ABHD12: variants seen among roughly 807,000 people sequenced by gnomAD.
The protein encoded by ABHD12 is lysophosphatidylserine lipase ABHD12.
ABHD12 carries 43 observed loss-of-function variants against 58.3 expected under a neutral mutation model. That is an observed-to-expected ratio of 0.74 (90% confidence interval 0.58 to 0.95). The LOEUF is 0.95. ABHD12 is among the 40% of genes least tolerant of loss of function. The probability of loss-of-function intolerance (pLI) is 0.00; values close to 1 mark genes in which losing one functional copy is unlikely to be tolerated. For synonymous variants in ABHD12, 219 were observed against 211.2 expected (o/e 1.04, Z -0.32); for missense variants, 539 against 537.2 (o/e 1.00, Z -0.03).
chr20:25,330,774 T>A (rs891648337), intron 2 of ABHD12, among the ~76,000 whole-genome samples: 3 of 151,954 alleles, frequency 2.0e-5, no homozygotes, highest in Non-Finnish European at 4.4e-5. Context: ...GAAGGAAAAC[T>A]AACAAACAGA....
chr20:25,346,104 C>T (rs879842898), intron 1 of ABHD12, among the ~76,000 whole-genome samples: 3 of 151,954 alleles, frequency 2.0e-5, no homozygotes, highest in Non-Finnish European at 4.4e-5. Context: ...CTGGTACATC[C>T]GGACAATGGA....
chr20:25,350,763 A>C (rs1304960089), intron 1 of ABHD12, among the ~76,000 whole-genome samples: 1 of 152,182 alleles, frequency 6.6e-6, no homozygotes, highest in Non-Finnish European at 1.5e-5. Context: ...TGTTAACAGA[A>C]TTACAGCAAA....
intron 1 of ABHD12, among the ~76,000 whole-genome samples, chr20:25,367,306 G>A (rs1193508769): frequency 6.6e-6 from 1 of 152,176 alleles, no homozygotes; most frequent in Non-Finnish European, 1.5e-5. Flanking sequence ...TTACAGTTTT[G>A]TGGGAGGAGG....
downstream of ABHD12, among the ~76,000 whole-genome samples, chr20:25,299,488 T>C (rs573290200): frequency 2.9e-4 from 43 of 147,576 alleles, no homozygotes; most frequent in African/African-American, 1.1e-3. Context: ...GTAGCTTACA[T>C]AGACCAAAAA....
At chr20:25,355,552 G>GT (rs1435978420) in intron 1 of ABHD12, among the ~76,000 whole-genome samples, 301 of 150,066 alleles carry the variant, frequency 2.0e-3, no homozygotes, top group African/African-American at 4.9e-3. Flanking sequence ...AGTATAAACG[G>GT]TTTTTTTTTT....
chr20:25,302,118 T>G, intron 12 of ABHD12, 101 bp downstream of exon 12: 2 of 1,560,598 alleles, frequency 1.3e-6, no homozygotes, highest in Non-Finnish European at 8.8e-7. Flanking sequence ...TTGGCCCCAC[T>G]GAGGCCCCCT....
intron 1 of ABHD12, among the ~76,000 whole-genome samples, chr20:25,346,083 GAATA>G (rs1298066931): frequency 6.6e-6 from 1 of 152,134 alleles, no homozygotes; most frequent in Non-Finnish European, 1.5e-5. Flanking sequence ...ATAGGTGAGT[GAATA>G]AATAAACTGG....
intron 1 of ABHD12, among the ~76,000 whole-genome samples, chr20:25,387,492 T>C (rs2090106525): frequency 6.7e-6 from 1 of 149,324 alleles, no homozygotes; most frequent in African/African-American, 2.5e-5. Flanking sequence ...TGGCACGGTA[T>C]TTCATACCTA....
At chr20:25,342,762 T>C (rs1039609839) in intron 1 of ABHD12, among the ~76,000 whole-genome samples, 1 of 152,184 alleles carries the variant, frequency 6.6e-6, no homozygotes, top group African/African-American at 2.4e-5. Flanking sequence ...GGTTTATTTT[T>C]TATTTTGTAG....
chr20:25,362,761 A>C (rs2089769350), intron 1 of ABHD12, among the ~76,000 whole-genome samples: 1 of 150,438 alleles, frequency 6.6e-6, no homozygotes, highest in African/African-American at 2.4e-5. Flanking sequence ...CACAACTTCC[A>C]ACTCCCGGGT....
intron 1 of ABHD12, among the ~76,000 whole-genome samples, chr20:25,354,788 G>C (rs1454530450): frequency 6.6e-6 from 1 of 152,042 alleles, no homozygotes; most frequent in African/African-American, 2.4e-5. Context: ...AAATTAACTT[G>C]TCTGGTTTCC....
At chr20:25,379,297 A>G (rs1275527205) in intron 1 of ABHD12, among the ~76,000 whole-genome samples, 3 of 152,226 alleles carry the variant, frequency 2.0e-5, no homozygotes, top group African/African-American at 7.2e-5. Flanking sequence ...CAGAAAGACG[A>G]TATGAGAGCT....
chr20:25,342,756 T>C (rs1162354556), intron 1 of ABHD12, among the ~76,000 whole-genome samples: 4 of 152,082 alleles, frequency 2.6e-5, no homozygotes, highest in African/African-American at 9.7e-5. Flanking sequence ...CAGCCAGGTT[T>C]ATTTTTTATT....
chr20:25,361,536 G>C (rs1456201969), intron 1 of ABHD12, among the ~76,000 whole-genome samples: 5 of 152,268 alleles, frequency 3.3e-5, no homozygotes, highest in Non-Finnish European at 7.4e-5. Context: ...GTAATTCTTA[G>C]ATGTGTATTT....
chr20:25,330,208 C>T (rs1370535575), intron 2 of ABHD12, among the ~76,000 whole-genome samples: 3 of 152,248 alleles, frequency 2.0e-5, no homozygotes, highest in African/African-American at 7.2e-5. Flanking sequence ...TGACAGACGG[C>T]ACCTGGAAAA....
At chr20:25,364,054 T>A (rs1211400086) in intron 1 of ABHD12, among the ~76,000 whole-genome samples, 1 of 151,966 alleles carries the variant, frequency 6.6e-6, no homozygotes, top group Non-Finnish European at 1.5e-5. Context: ...GAAAACCTCC[T>A]CCCCACTACT....
Position 25,323,328 on chromosome 20 carries a change from A to G in ABHD12, c.419T>C (p.Val140Ala), listed in dbSNP as rs769419784. The G allele has an allele frequency of 4.3e-6, 7 of 1,610,334 alleles. No homozygotes were observed. Among genetic ancestry groups the G allele is most frequent in the Non-Finnish European group, 5.9e-6 (7 of 1,176,638 alleles). ...LQPEEDVTIG[V>A]WHTVPAVWWK... ...TGCAGAGCTCACTGGCACTCACCAG[A>G]CTCCAATGGTCACGTCTTCCTCTGG... The change falls in exon 3 of 13, where the codon GTC becomes GCC. Residue 140 changes from valine to alanine, a missense_variant. By Grantham distance (64) the Val-to-Ala change is moderately conservative (BLOSUM62 0). Coordinates refer to ENST00000339157, the MANE Select transcript of ABHD12 (RefSeq NM_001042472.3).
At chr20:25,336,736 G>GA (rs1336704656) in intron 2 of ABHD12, among the ~76,000 whole-genome samples, 1 of 152,240 alleles carries the variant, frequency 6.6e-6, no homozygotes, top group Non-Finnish European at 1.5e-5. Flanking sequence ...CCCAAAGGGG[G>GA]AGACAGAGAA....
intron 2 of ABHD12, among the ~76,000 whole-genome samples, chr20:25,336,303 G>T (rs1282020109): frequency 2.2e-5 from 2 of 91,734 alleles, no homozygotes; most frequent in Non-Finnish European, 4.2e-5. Flanking sequence ...TACTATTCAG[G>T]GTTCTTTTTT....
Sources: allele counts gnomAD v4.1 joint callset (sites outside exome capture counted in the v4.1 genomes callset), GRCh38; gene constraint gnomAD v4.1.1; transcripts MANE v1.5; gene names NCBI Gene and HGNC (gene_info 2026-07-23, HGNC 2026-07-21).